The following PPP3CC variants were observed in gnomAD, a reference collection of about 807,000 sequenced individuals.
The protein encoded by PPP3CC is protein phosphatase 3 catalytic subunit gamma, also known as serine/threonine-protein phosphatase 2B catalytic subunit gamma isoform.
Under a neutral mutation model 60.3 loss-of-function variants are expected in PPP3CC, and 35 were observed. That is an observed-to-expected ratio of 0.58 (90% CI 0.44 to 0.77). The LOEUF (loss-of-function observed/expected upper bound fraction) is 0.77. Ranked by LOEUF, PPP3CC falls within the 30% of genes least tolerant of loss-of-function variation. The pLI, the probability that PPP3CC is intolerant of heterozygous loss-of-function variation, is 0.00. For missense variants in PPP3CC, 570 were observed against 628.9 expected (o/e 0.91, Z 1.00); for synonymous variants, 206 against 224.3 (o/e 0.92, Z 0.73).
At chr8:22,508,962 T>C (rs1013887444) in intron 4 of PPP3CC, among the ~76,000 whole-genome samples, 3 of 152,222 alleles carry the variant, frequency 2.0e-5, no homozygotes, top group Admixed American at 2.0e-4. Flanking sequence ...AAAGTTAGCA[T>C]ATGTTGTGGA....
intron 12 of PPP3CC, among the ~76,000 whole-genome samples, chr8:22,538,099 C>T (rs1372382750): frequency 6.6e-6 from 1 of 152,164 alleles, no homozygotes; most frequent in Non-Finnish European, 1.5e-5. Context: ...AACAAAAGTT[C>T]GGGTCATTTG....
intron 1 of PPP3CC, among the ~76,000 whole-genome samples, chr8:22,468,249 G>A (rs1056099912): frequency 1.4e-4 from 22 of 152,024 alleles, no homozygotes; most frequent in Admixed American, 3.3e-4. Context: ...GATTACAGGC[G>A]CCCGCTACCA....
chr8:22,469,066 A>G (rs1837633918), intron 1 of PPP3CC, among the ~76,000 whole-genome samples: 1 of 152,232 alleles, frequency 6.6e-6, no homozygotes, highest in African/African-American at 2.4e-5. Flanking sequence ...ACAACAGCAA[A>G]GATACAGAAT....
chr8:22,466,900 C>G, intron 1 of PPP3CC, among the ~76,000 whole-genome samples: 1 of 150,888 alleles, frequency 6.6e-6, no homozygotes, highest in Non-Finnish European at 1.5e-5. Context: ...TGCCACCACA[C>G]CTGGATAATT....
intron 3 of PPP3CC, among the ~76,000 whole-genome samples, chr8:22,490,089 C>T (rs1392413128): frequency 6.6e-6 from 1 of 151,934 alleles, no homozygotes; most frequent in African/African-American, 2.4e-5. Context: ...TCCCAAAGTG[C>T]TGGGATTATA....
chr8:22,464,891 G>A (rs551104193), intron 1 of PPP3CC, among the ~76,000 whole-genome samples: 10 of 152,020 alleles, frequency 6.6e-5, no homozygotes, highest in Admixed American at 5.2e-4. Context: ...GGCAGAATCT[G>A]CAAAATCACT....
At chr8:22,505,770 G>A (rs1159977831) in intron 4 of PPP3CC, among the ~76,000 whole-genome samples, 1 of 152,172 alleles carries the variant, frequency 6.6e-6, no homozygotes, top group African/African-American at 2.4e-5. Context: ...ACAAAAAGTA[G>A]TAAGTTGTGA....
chr8:22,441,731 C>A (rs2132415306), intron 1 of PPP3CC, among the ~76,000 whole-genome samples: 1 of 152,332 alleles, frequency 6.6e-6, no homozygotes, highest in East Asian at 1.9e-4. Context: ...CCCCGAAGGG[C>A]CCGGATCCCT....
intron 1 of PPP3CC, among the ~76,000 whole-genome samples, chr8:22,453,572 A>G (rs1272571385): frequency 2.6e-5 from 4 of 152,174 alleles, no homozygotes; most frequent in African/African-American, 9.7e-5. Context: ...GGGGTTTTGC[A>G]GCCTGTGTTT....
In PPP3CC at chr8:22,532,152, C is replaced by T. The variant is rs1029929894; in HGVS notation, c.1142-73C>T. The T allele has an allele frequency of 2.4e-5, 26 of 1,103,486 alleles. No individual in the cohort carries two copies. The South Asian group carries it at 3.8e-4, about 16-fold the overall frequency. The allele number at this position is 1,103,486 out of a possible 1,614,324, so 68.4% of individuals were successfully genotyped here. A position where few individuals can be genotyped will look rare whatever the true frequency, so the allele number is the denominator to read the frequency against. On this transcript the variant is annotated intron_variant, in intron 10 of 13. Transcript: ENST00000240139. ...ACAATTGTTTCTTTAACTTAAGACA[C>T]TTCATCCTGAATTTTTTAAAGGCAG...
intron 3 of PPP3CC, among the ~76,000 whole-genome samples, chr8:22,482,867 T>G (rs1471852141): frequency 1.3e-5 from 2 of 152,158 alleles, no homozygotes; most frequent in African/African-American, 4.8e-5. Context: ...TTTTTTAGGC[T>G]TTTAAGATAA....
intron 6 of PPP3CC, among the ~76,000 whole-genome samples, chr8:22,515,967 C>T: frequency 7.0e-6 from 1 of 142,654 alleles, no homozygotes; most frequent in African/African-American, 2.9e-5. Flanking sequence ...GAGACAAGGT[C>T]TCTCTTTGTT....
At chr8:22,509,816 C>G (rs1469347997) in intron 4 of PPP3CC, among the ~76,000 whole-genome samples, 1 of 152,204 alleles carries the variant, frequency 6.6e-6, no homozygotes, top group African/African-American at 2.4e-5. Context: ...ATCCTCCCAC[C>G]TCAGCCTCCC....
chr8:22,501,814 C>G (rs1277804527), intron 4 of PPP3CC, among the ~76,000 whole-genome samples: 1 of 152,088 alleles, frequency 6.6e-6, no homozygotes. Context: ...GAGTTCAAGA[C>G]CAGCCTGGGC....
At position 22,509,996 on chromosome 8, in the gene PPP3CC, C is replaced by T. The variant is rs1162801125; in HGVS notation, c.485-1090C>T. 2.0e-5 allele frequency among the ~76,000 whole-genome samples: 3 copies of T among 151,756 alleles called. 1 individual carries two copies. Among genetic ancestry groups the T allele is most frequent in the Admixed American group, 2.0e-4 (3 of 15,244 alleles). On this transcript the variant is annotated intron_variant, in intron 4 of 13. Transcript: ENST00000240139. ...GTCAGGAGTTTGAGACCAGCCTGGCCAACATGGTGAAACCCCGTCCCTACT... is the reference window on the plus strand; with the variant it reads ...GTCAGGAGTTTGAGACCAGCCTGGCTAACATGGTGAAACCCCGTCCCTACT...
At chr8:22,484,219 G>A (rs1372581259) in intron 3 of PPP3CC, among the ~76,000 whole-genome samples, 1 of 151,698 alleles carries the variant, frequency 6.6e-6, no homozygotes, top group Non-Finnish European at 1.5e-5. Context: ...AAAACATTTG[G>A]GTTAATTACT....
chr8:22,523,687 T>G (rs1296289538), intron 8 of PPP3CC: 3 of 454,102 alleles, frequency 6.6e-6, no homozygotes, highest in Non-Finnish European at 1.3e-5. Flanking sequence ...ATGGGAAATC[T>G]TCGTCCTTTG....
chr8:22,513,170 C>A, intron 5 of PPP3CC, 123 bp from the exon 6 acceptor site: 1 of 796,140 alleles, frequency 1.3e-6, no homozygotes, highest in Non-Finnish European at 1.8e-6. Flanking sequence ...CCTTTAGGGG[C>A]ACACTGGCTT....
At chr8:22,477,667 G>A (rs1299904934) in intron 3 of PPP3CC, among the ~76,000 whole-genome samples, 1 of 151,868 alleles carries the variant, frequency 6.6e-6, no homozygotes, top group African/African-American at 2.4e-5. Context: ...CTGCCATGTT[G>A]CCTAGGCTGG....
Sources: gnomAD v4.1 joint callset for allele counts (sites outside exome capture counted in the v4.1 genomes callset) on GRCh38, gnomAD v4.1.1 for gene constraint, MANE v1.5 for transcripts, NCBI Gene and HGNC (gene_info 2026-07-23, HGNC 2026-07-21) for gene names.